DMD: variants seen among roughly 807,000 people sequenced by gnomAD.
DMD encodes dystrophin.
A neutral mutation model predicts 330.1 loss-of-function variants in DMD; 63 were observed. The ratio of observed to expected loss-of-function variants is 0.19; its 90% CI spans 0.16 to 0.24. DMD has a LOEUF of 0.24. Ranked by LOEUF, DMD falls within the 10% of genes least tolerant of loss-of-function variation. DMD has a pLI of 1.00. For missense variants in DMD, 3,344 were observed against 2,684.1 expected (o/e 1.25, Z -5.43); for synonymous variants, 1,223 against 959.8 (o/e 1.27, Z -5.07).
At chrX:32,904,841 G>T (rs746129459) in intron 2 of DMD, among the ~76,000 whole-genome samples, 1 of 112,397 alleles carries the variant, frequency 8.9e-6, no homozygotes, top group Admixed American at 9.4e-5. Flanking sequence ...CTTCCAAAGT[G>T]CTGGGATTAC....
Position 33,138,471 on chromosome X carries a change from T to C in DMD, c.31+72811A>G, listed in dbSNP as rs867657658. ...GGCTATTTCCCAGGAACATGCTATA[T>C]AGCTGGAAAGAGATATAAGTACAAT... is the stretch of plus-strand genomic sequence containing the variant. On this transcript the variant is annotated intron_variant, in intron 1 of 78. Transcript: ENST00000357033. Among the ~76,000 whole-genome samples the C allele has an allele frequency of 1.6e-4, 18 of 111,874 alleles. 1 individual carries two copies. Among genetic ancestry groups the C allele is most frequent in the African/African-American group, 5.5e-4 (17 of 30,865 alleles).
intron 9 of DMD, among the ~76,000 whole-genome samples, chrX:32,675,482 T>C (rs2061907071): frequency 8.9e-6 from 1 of 112,015 alleles, no homozygotes; most frequent in East Asian, 2.8e-4. Flanking sequence ...GCCTGTATTT[T>C]ACCTTCTTAT....
chrX:32,205,005 T>TCTCTCTCTCTCTCTCTCACACACA (rs60181300), intron 44 of DMD, among the ~76,000 whole-genome samples: 3 of 29,220 alleles, frequency 1.0e-4, no homozygotes, highest in Non-Finnish European at 2.2e-4. Flanking sequence ...TCTCTCTCTC[T>TCTCTCTCTCTCTCTCTCACACACA]CACATACACA....
chrX:31,675,427 A>G (rs1357447044), intron 53 of DMD, among the ~76,000 whole-genome samples: 4 of 111,924 alleles, frequency 3.6e-5, no homozygotes, highest in Non-Finnish European at 3.8e-5. Context: ...CAGTGGCGTG[A>G]TCTTGGCTCA....
intron 43 of DMD, among the ~76,000 whole-genome samples, chrX:32,252,737 T>TATATAAATATATATAA (rs1569553637): frequency 1.1e-4 from 4 of 35,878 alleles, no homozygotes; most frequent in Non-Finnish European, 1.6e-4. Flanking sequence ...TATATAAATA[T>TATATAAATATATATAA]ATATATAAAT....
At chrX:31,402,096 C>T (rs2061217303) in intron 60 of DMD, among the ~76,000 whole-genome samples, 1 of 111,887 alleles carries the variant, frequency 8.9e-6, no homozygotes, top group Admixed American at 9.6e-5. Context: ...GAGCTGTGAG[C>T]TTTGTGAATC....
intron 1 of DMD, among the ~76,000 whole-genome samples, chrX:33,222,578 G>T (rs950172884): frequency 8.9e-6 from 1 of 112,210 alleles, no homozygotes; most frequent in Non-Finnish European, 1.9e-5. Flanking sequence ...AATCCATACA[G>T]ATGGGAAAGG....
intron 1 of DMD, among the ~76,000 whole-genome samples, chrX:33,181,377 C>G (rs963592535): frequency 9.0e-5 from 10 of 111,433 alleles, no homozygotes; most frequent in African/African-American, 2.6e-4. Context: ...CTATATCAGT[C>G]GATGGGCACC....
At chrX:31,509,016 T>C (rs1037730602) in intron 55 of DMD, among the ~76,000 whole-genome samples, 13 of 111,027 alleles carry the variant, frequency 1.2e-4, no homozygotes, top group African/African-American at 4.3e-4. Context: ...GAGAGTTGTG[T>C]CCCATTCTCT....
intron 1 of DMD, among the ~76,000 whole-genome samples, chrX:33,118,854 C>G (rs2095406575): frequency 8.9e-6 from 1 of 111,771 alleles, no homozygotes; most frequent in Admixed American, 9.6e-5. Context: ...ATGCCAATCT[C>G]CTTATCCACA....
intron 74 of DMD, among the ~76,000 whole-genome samples, chrX:31,164,506 C>A (rs926743673): frequency 9.0e-6 from 1 of 111,633 alleles, no homozygotes; most frequent in Non-Finnish European, 1.9e-5. Flanking sequence ...TAGTTACCAG[C>A]CCTGGGAATC....
At chrX:33,080,209 C>G (rs959113568) in intron 1 of DMD, among the ~76,000 whole-genome samples, 4 of 111,930 alleles carry the variant, frequency 3.6e-5, no homozygotes, top group Non-Finnish European at 5.6e-5. Context: ...CACAGTATGA[C>G]TTTAATATTT....
chrX:32,614,698 G>A (rs1476464576), intron 11 of DMD, among the ~76,000 whole-genome samples: 1 of 111,165 alleles, frequency 9.0e-6, no homozygotes, highest in Admixed American at 9.6e-5. Context: ...ATGTGAACAT[G>A]CTAACTGAAG....
At chrX:32,325,165 A>T (rs2097644574) in intron 41 of DMD, among the ~76,000 whole-genome samples, 1 of 111,256 alleles carries the variant, frequency 9.0e-6, no homozygotes, top group Non-Finnish European at 1.9e-5. Flanking sequence ...GTACAAAGAG[A>T]TATCTAAGAC....
At chrX:31,621,236 C>T (rs2078514110) in intron 55 of DMD, among the ~76,000 whole-genome samples, 1 of 111,830 alleles carries the variant, frequency 8.9e-6, no homozygotes, top group Non-Finnish European at 1.9e-5. Context: ...TCACCTCCAC[C>T]TCCCACAAAA....
intron 60 of DMD, among the ~76,000 whole-genome samples, chrX:31,412,063 G>A (rs1188303972): frequency 1.9e-5 from 2 of 107,367 alleles, no homozygotes; most frequent in Non-Finnish European, 3.8e-5. Flanking sequence ...GCGGGCGCCT[G>A]CAGTCCCAGC....
chrX:32,588,070 C>CA (rs1176340048), intron 13 of DMD, among the ~76,000 whole-genome samples: 2 of 111,373 alleles, frequency 1.8e-5, no homozygotes, highest in South Asian at 3.7e-4. Flanking sequence ...CCTTTTAAGT[C>CA]AAAAAAATCT....
At position 32,472,373 on chromosome X, in the gene DMD, T is replaced by C. The variant is rs751998506; in HGVS notation, c.2804-64A>G. 1.4e-4 allele frequency: 160 copies of C among 1,108,077 alleles called. 1 individual carries two copies. The South Asian group carries it at 2.4e-3, about 17-fold the overall frequency. 91.3% of individuals were successfully genotyped at this position (1,108,077 alleles called of 1,213,427 possible). A position where few individuals can be genotyped will look rare whatever the true frequency, so the allele number is the denominator to read the frequency against. ...TGTTTCACACTTTGCCATGTTTTCCTAAATTGTCAGCAAACTCAATTATAT... is the reference window on the plus strand; with the variant it reads ...TGTTTCACACTTTGCCATGTTTTCCCAAATTGTCAGCAAACTCAATTATAT... On this transcript the variant is annotated intron_variant, in intron 21 of 78. Coordinates refer to ENST00000357033, the MANE Select transcript of DMD (RefSeq NM_004006.3).
At chrX:33,266,316 T>C (rs2053040653) in intron 1 of DMD, among the ~76,000 whole-genome samples, 1 of 111,833 alleles carries the variant, frequency 8.9e-6, no homozygotes, top group African/African-American at 3.2e-5. Flanking sequence ...GAAGTACAAG[T>C]TTAATATAAT....
Sources: gnomAD v4.1 joint callset for allele counts (sites outside exome capture counted in the v4.1 genomes callset) on GRCh38, gnomAD v4.1.1 for gene constraint, MANE v1.5 for transcripts, NCBI Gene and HGNC (gene_info 2026-07-23, HGNC 2026-07-21) for gene names.